Variants in PIAS4 observed in about 807,000 individuals in gnomAD.
PIAS4 encodes protein inhibitor of activated STAT 4, also known as E3 SUMO-protein ligase PIAS4.
In PIAS4, 7 loss-of-function variants were observed where a neutral mutation model predicts 58.0. The observed-to-expected ratio is 0.12, with a 90% CI of 0.07 to 0.23. The LOEUF is 0.23. PIAS4 is among the 10% of genes least tolerant of loss of function. The pLI is 1.00. For missense variants in PIAS4, 550 were observed against 709.5 expected (o/e 0.78, Z 2.55); for synonymous variants, 364 against 312.4 (o/e 1.17, Z -1.74).
chr19:4,022,531 T>C (rs969653049), intron 2 of PIAS4, among the ~76,000 whole-genome samples: 3 of 150,776 alleles, frequency 2.0e-5, no homozygotes, highest in Non-Finnish European at 4.4e-5. Context: ...TACACCCAGC[T>C]AATTTTTTGT....
In PIAS4 at chr19:4,013,003, C is replaced by T. The variant is rs141222368; in HGVS notation, c.108C>T (p.His36=). ...GCCGGAGTAAGAGTGGACTGAAGCACGAGCTCGTCACCAGGGCCCTCCAGC... is the reference window on the plus strand; with the variant it reads ...GCCGGAGTAAGAGTGGACTGAAGCATGAGCTCGTCACCAGGGCCCTCCAGC... ...FVGRSKSGLK[H]ELVTRALQLV... The change falls in exon 2 of 11, where the codon CAC becomes CAT. Residue 36 remains histidine, a synonymous_variant. Coordinates refer to ENST00000262971, the MANE Select transcript of PIAS4 (RefSeq NM_015897.4). This position sits in a 1 kb window ranked among gnomAD's most constrained non-coding sequence, Gnocchi z 5.1. The T allele has an allele frequency of 2.2e-5, 35 of 1,613,572 alleles. No individual in the cohort carries two copies. The highest frequency in any genetic ancestry group is 8.0e-5 in the African/African-American group (6 of 74,902).
chr19:4,026,779 T>A (rs1378209102), intron 3 of PIAS4, among the ~76,000 whole-genome samples: 1 of 152,094 alleles, frequency 6.6e-6, no homozygotes, highest in Non-Finnish European at 1.5e-5. Flanking sequence ...GCCTCCCAGG[T>A]TCAAGTGATT....
chr19:4,017,722 C>T (rs1479854832), intron 2 of PIAS4: 3 of 149,274 alleles, frequency 2.0e-5, no homozygotes, highest in Non-Finnish European at 3.0e-5. Flanking sequence ...GACTGTCGCC[C>T]GTGCTGGAGT....
chr19:4,028,350 G>A (rs1266468346), intron 4 of PIAS4, 160 bp from the exon 5 acceptor site: 5 of 788,232 alleles, frequency 6.3e-6, no homozygotes, highest in East Asian at 2.7e-5. Flanking sequence ...ATCACCATCC[G>A]ACCCCCACTC....
At chr19:4,007,822 TGGGCGAGA>T (rs933352045) in intron 1 of PIAS4, 35 bp downstream of exon 1, 2 of 1,203,604 alleles carry the variant, frequency 1.7e-6, no homozygotes, top group African/African-American at 3.2e-5. Context: ...CCGGGGCAAG[TGGGCGAGA>T]GGGCGGGGGC....
At chr19:4,016,946 C>G (rs1274412814) in intron 2 of PIAS4, among the ~76,000 whole-genome samples, 3 of 152,164 alleles carry the variant, frequency 2.0e-5, no homozygotes, top group African/African-American at 7.2e-5. Flanking sequence ...CCCTGAGGTT[C>G]TGGTATGATT....
rs2040322977 is a variant in PIAS4, at chr19:4,038,172, G to GA, written c.*299dup. 1 of 367,218 alleles carries GA rather than the reference G, an allele frequency of 2.7e-6. No individual in the cohort carries two copies. The highest frequency in any genetic ancestry group is 7.0e-5 in the East Asian group (1 of 14,316). 22.7% of individuals were successfully genotyped at this position (367,218 alleles called of 1,614,324 possible). A position where few individuals can be genotyped will look rare whatever the true frequency, so the allele number is the denominator to read the frequency against. ...CCTCCCCGGCTGGAGTCCGAGCCGGGAAGGGGTAGTGGGCGGGAGGGACCA... is the reference window on the plus strand; with the variant it reads ...CCTCCCCGGCTGGAGTCCGAGCCGGGAAAGGGGTAGTGGGCGGGAGGGACCA... On this transcript the variant is annotated 3_prime_UTR_variant, in exon 11 of 11. Transcript: ENST00000262971. The surrounding 1 kb of genome is among the most constrained non-coding windows in gnomAD (Gnocchi z 4.1).
chr19:4,010,490 C>G (rs2039982309), intron 1 of PIAS4, among the ~76,000 whole-genome samples: 1 of 152,242 alleles, frequency 6.6e-6, no homozygotes, highest in Admixed American at 6.5e-5. Context: ...TTTTTGTTTT[C>G]TGCACAAGGT....
chr19:4,010,517 G>A (rs900419042), intron 1 of PIAS4, among the ~76,000 whole-genome samples: 10 of 152,254 alleles, frequency 6.6e-5, no homozygotes, highest in African/African-American at 2.4e-4. Context: ...TCAGGCCAAG[G>A]GAGATGAGGC....
intron 1 of PIAS4, among the ~76,000 whole-genome samples, chr19:4,012,181 A>C (rs2040002310): frequency 6.6e-6 from 1 of 151,870 alleles, no homozygotes; most frequent in Non-Finnish European, 1.5e-5. Flanking sequence ...GATGATCAGC[A>C]GATGTTTCGG....
intron 3 of PIAS4, among the ~76,000 whole-genome samples, chr19:4,027,312 A>G (rs2040175838): frequency 6.6e-6 from 1 of 152,076 alleles, no homozygotes; most frequent in African/African-American, 2.4e-5. Flanking sequence ...GGCGTCTCTC[A>G]CTGGGTGGGA....
At chr19:4,008,066 C>T (rs1280350082) in intron 1 of PIAS4, among the ~76,000 whole-genome samples, 2 of 151,862 alleles carry the variant, frequency 1.3e-5, no homozygotes, top group South Asian at 2.1e-4. Context: ...CTTAGGGTCC[C>T]GGTCCCTGAG....
At chr19:4,035,462 G>T (rs1281289954) in intron 9 of PIAS4, among the ~76,000 whole-genome samples, 1 of 152,142 alleles carries the variant, frequency 6.6e-6, no homozygotes, top group African/African-American at 2.4e-5. Context: ...CAGGGAACTC[G>T]TTCCCTTCCC....
rs75488612 is a variant in PIAS4 at position 4,037,324 on chromosome 19, G to C, written c.1143-50G>C. ...GGAGGGATGGAGGGCTGGGGAGTTG[G>C]GGGGGTGGGGCACCTCCAGCCCCGG... On this transcript the variant is annotated intron_variant, in intron 9 of 10. Transcript: ENST00000262971. This position sits in a 1 kb window ranked among gnomAD's most constrained non-coding sequence, Gnocchi z 5.8. The C allele has an allele frequency of 6.4e-6, 10 of 1,564,454 alleles. No homozygotes were observed. Among genetic ancestry groups the C allele is most frequent in the South Asian group, 2.4e-5 (2 of 85,106 alleles).
intron 1 of PIAS4, among the ~76,000 whole-genome samples, chr19:4,012,480 T>C (rs2040005699): frequency 6.6e-6 from 1 of 152,076 alleles, no homozygotes; most frequent in Non-Finnish European, 1.5e-5. Flanking sequence ...GTGGCTGACA[T>C]GGGTTGAGCG....
chr19:4,037,769 C>T lies in PIAS4; in HGVS notation c.1427C>T (p.Ser476Leu), dbSNP rs1308007219. Reference sequence around the variant, plus strand: ...CTCACGCTGGACAGCTCATCGTCCTCGGAGGATGAGGAGGAGGAGGAAGAG... The same window carrying T: ...CTCACGCTGGACAGCTCATCGTCCTTGGAGGATGAGGAGGAGGAGGAAGAG... ...VDLTLDSSSSSEDEEEEEEEE... is the reference protein window; with the variant it reads ...VDLTLDSSSSLEDEEEEEEEE... Residue 476 changes from serine (S) to leucine (L), a missense_variant, in exon 11 of 11, where the codon TCG becomes TTG. Coordinates refer to ENST00000262971, the MANE Select transcript of PIAS4 (RefSeq NM_015897.4). This position sits in a 1 kb window ranked among gnomAD's most constrained non-coding sequence, Gnocchi z 5.8. 7 of 1,606,108 alleles carry T rather than the reference C, an allele frequency of 4.4e-6. No homozygotes were observed. The highest frequency in any genetic ancestry group is 5.9e-6 in the Non-Finnish European group (7 of 1,176,918).
At chr19:4,009,920 G>T (rs534991905) in intron 1 of PIAS4, among the ~76,000 whole-genome samples, 12 of 152,210 alleles carry the variant, frequency 7.9e-5, no homozygotes, top group African/African-American at 2.2e-4. Context: ...ACAGCGTTTC[G>T]CACAGATCTC....
chr19:4,029,149 C>G, intron 7 of PIAS4, 113 bp downstream of exon 7: 1 of 741,582 alleles, frequency 1.3e-6, no homozygotes, highest in Non-Finnish European at 2.3e-6. Flanking sequence ...CAGGGGCCGC[C>G]TGTCACTCTG....
At chr19:4,031,025 G>A (rs547144874) in intron 7 of PIAS4, among the ~76,000 whole-genome samples, 85 of 152,318 alleles carry the variant, frequency 5.6e-4, no homozygotes, top group Non-Finnish European at 8.4e-4. Context: ...CTGTTTTCAG[G>A]TGGAATCTGG....
Sources: allele counts gnomAD v4.1 joint callset (sites outside exome capture counted in the v4.1 genomes callset), GRCh38; gene constraint gnomAD v4.1.1; non-coding constraint Gnocchi (gnomAD v3.1); transcripts MANE v1.5; gene names NCBI Gene and HGNC (gene_info 2026-07-23, HGNC 2026-07-21).